Variants in RAPH1 observed in about 807,000 individuals in gnomAD.
The protein encoded by RAPH1 is ras-associated and pleckstrin homology domains-containing protein 1.
Under a neutral mutation model 88.1 loss-of-function variants are expected in RAPH1, and 18 were observed. The observed-to-expected ratio is 0.20, with a 90% CI of 0.14 to 0.30. The LOEUF is 0.30. RAPH1 is among the 10% of genes least tolerant of loss of function. The pLI is 1.00. For missense variants in RAPH1, 1,448 were observed against 1,543.2 expected, an observed-to-expected ratio of 0.94 and a Z score of 1.03; for synonymous variants, 587 against 559.0, an observed-to-expected ratio of 1.05 and a Z score of -0.71.
At chr2:203,510,041 A>C (rs2469957) in intron 1 of RAPH1, among the ~76,000 whole-genome samples, 92,649 of 151,920 alleles carry the variant, frequency 0.61, 28,826 homozygotes, top group Middle Eastern at 0.77. Context: ...TATAAATTAT[A>C]CAGTCTCAGG....
At chr2:203,470,286 G>A in intron 4 of RAPH1, 1 of 1,612,286 alleles carries the variant, frequency 6.2e-7, no homozygotes, top group Non-Finnish European at 8.5e-7. Flanking sequence ...CTCAGAAGAA[G>A]GGAGGTTTCC....
chr2:203,475,094 G>A (rs1466862324), intron 4 of RAPH1, among the ~76,000 whole-genome samples: 1 of 152,016 alleles, frequency 6.6e-6, no homozygotes, highest in Non-Finnish European at 1.5e-5. Context: ...TTGAGCAACA[G>A]AGCAAGACTG....
rs574236678 is a variant in RAPH1, at chr2:203,493,324, A to G, written c.120+1910T>C. On this transcript the variant is annotated intron_variant, in intron 2 of 13. Transcript: ENST00000319170. ...GGCAGCATCATGTAGTTCCTAGTTCACCCAGAGCAGCTGGACCAATATCTA... is the reference window on the plus strand; with the variant it reads ...GGCAGCATCATGTAGTTCCTAGTTCGCCCAGAGCAGCTGGACCAATATCTA... 2.6e-5 allele frequency among the ~76,000 whole-genome samples: 4 copies of G among 152,232 alleles called. No individual in the cohort carries two copies. In the East Asian group the frequency reaches 7.7e-4, roughly 29 times the overall value.
chr2:203,451,988 T>C (rs1248858794), intron 10 of RAPH1, among the ~76,000 whole-genome samples: 2 of 152,198 alleles, frequency 1.3e-5, no homozygotes, highest in African/African-American at 4.8e-5. Flanking sequence ...GCTGGCTGGA[T>C]TTTTCTGGGT....
rs1409885757 is a variant in RAPH1 at position 203,440,258 on chromosome 2, T to C, written c.2932A>G (p.Asn978Asp). ...CCACTGCTGGATTTAATGCTGGAGT[T>C]GCGCTGTGGGGTTGGGGGTGGTTTC... ...GKKPPPTPQR[N>D]SSIKSSSGAE... The change falls in exon 14 of 14, where the codon AAC becomes GAC. Residue 978 changes from asparagine to aspartate, a missense_variant. Physicochemically the swap from Asn to Asp is conservative, Grantham distance 23. Transcript: ENST00000319170. The C allele has an allele frequency of 6.2e-7, 1 of 1,613,954 alleles. No homozygotes were observed. The highest frequency in any genetic ancestry group is 1.3e-5 in the African/African-American group (1 of 74,998).
In RAPH1 at chr2:203,461,263, G is replaced by C. The variant is rs2098524006; in HGVS notation, c.956C>G (p.Ser319Cys). Residue 319 changes from serine (S) to cysteine (C), a missense_variant, in exon 6 of 14, where the codon TCT becomes TGT. Physicochemically the swap from Ser to Cys is moderately radical, Grantham distance 112. Transcript: ENST00000319170. ...SLDWSLVETVSELQMERIFED... is the reference protein window; with the variant it reads ...SLDWSLVETVCELQMERIFED... ...ATATTACTAACCCATTTGTAATTCA[G>C]AAACGGTTTCTACCAGTGACCAGTC... is the stretch of plus-strand genomic sequence containing the variant. 1.9e-6 allele frequency: 3 copies of C among 1,580,346 alleles called. No individual in the cohort carries two copies. The highest frequency in any genetic ancestry group is 2.6e-6 in the Non-Finnish European group (3 of 1,162,774).
chr2:203,461,523 CAAAT>C, intron 5 of RAPH1, 115 bp from the exon 6 acceptor site: 1 of 732,956 alleles, frequency 1.4e-6, no homozygotes, highest in Non-Finnish European at 2.0e-6. Context: ...AATTAAAACA[CAAAT>C]AATGACTTCA....
chr2:203,530,671 C>A (rs1016726056), intron 1 of RAPH1, among the ~76,000 whole-genome samples: 2 of 152,124 alleles, frequency 1.3e-5, no homozygotes, highest in Non-Finnish European at 2.9e-5. Context: ...GTAGGTAGAT[C>A]ACCTGAGGTC....
At chr2:203,513,519 C>T (rs769304142) in intron 1 of RAPH1, among the ~76,000 whole-genome samples, 50 of 116,108 alleles carry the variant, frequency 4.3e-4, no homozygotes, top group Non-Finnish European at 6.7e-4. Flanking sequence ...ATGCCCCGCC[C>T]GAGACTCTAT....
At chr2:203,480,965 T>C (rs1687694713) in intron 4 of RAPH1, among the ~76,000 whole-genome samples, 1 of 152,194 alleles carries the variant, frequency 6.6e-6, no homozygotes, top group South Asian at 2.1e-4. Context: ...AAGGTTGGTA[T>C]AAAAATTATG....
At chr2:203,496,778 AC>A in intron 1 of RAPH1, among the ~76,000 whole-genome samples, 1 of 152,280 alleles carries the variant, frequency 6.6e-6, no homozygotes, top group South Asian at 2.1e-4. Flanking sequence ...TTTTCCTTCA[AC>A]TTCTGTCCCA....
intron 4 of RAPH1, among the ~76,000 whole-genome samples, chr2:203,462,390 A>G (rs2098524829): frequency 6.6e-6 from 1 of 152,226 alleles, no homozygotes. Flanking sequence ...TCATAAAAAT[A>G]TCTACAACAA....
At chr2:203,455,400 T>A (rs1036357207) in intron 9 of RAPH1, 37 bp downstream of exon 9, 11 of 1,597,118 alleles carry the variant, frequency 6.9e-6, no homozygotes, top group African/African-American at 6.7e-5. Context: ...GCAATTAGCA[T>A]AATGAGGAAG....
intron 4 of RAPH1, among the ~76,000 whole-genome samples, chr2:203,473,270 A>C (rs1394416933): frequency 6.6e-6 from 1 of 152,152 alleles, no homozygotes; most frequent in Non-Finnish European, 1.5e-5. Flanking sequence ...TGGGCAACAG[A>C]GCGAGACCCT....
chr2:203,479,521 T>C (rs1687623647), intron 4 of RAPH1, among the ~76,000 whole-genome samples: 1 of 151,856 alleles, frequency 6.6e-6, no homozygotes, highest in South Asian at 2.1e-4. Flanking sequence ...GGCAGAAGAA[T>C]TGCTTGAACC....
chr2:203,500,089 G>C, intron 1 of RAPH1, among the ~76,000 whole-genome samples: 1 of 152,150 alleles, frequency 6.6e-6, no homozygotes, highest in East Asian at 1.9e-4. Flanking sequence ...CCAGACACTG[G>C]AGGAACAGAG....
intron 12 of RAPH1, chr2:203,447,747 A>G: frequency 5.1e-6 from 2 of 390,466 alleles, no homozygotes; most frequent in Non-Finnish European, 9.1e-6. Context: ...AGAAATCTAT[A>G]TACTGATTTT....
intron 1 of RAPH1, among the ~76,000 whole-genome samples, chr2:203,522,214 T>G (rs1216016851): frequency 6.6e-6 from 1 of 152,226 alleles, no homozygotes; most frequent in African/African-American, 2.4e-5. Context: ...TTTCTAGCAT[T>G]GTCACATCAG....
chr2:203,517,161 C>G (rs1689651573), intron 1 of RAPH1, among the ~76,000 whole-genome samples: 1 of 151,610 alleles, frequency 6.6e-6, no homozygotes, highest in African/African-American at 2.4e-5. Context: ...AGTAAACCAA[C>G]AGAGAAAAAT....
Sources: gnomAD v4.1 joint callset for allele counts (sites outside exome capture counted in the v4.1 genomes callset) on GRCh38, gnomAD v4.1.1 for gene constraint, MANE v1.5 for transcripts, NCBI Gene and HGNC (gene_info 2026-07-23, HGNC 2026-07-21) for gene names.